FAM171B: variants seen among roughly 807,000 people sequenced by gnomAD.
FAM171B encodes the protein protein FAM171B.
FAM171B carries 19 observed loss-of-function variants against 75.6 expected under a neutral mutation model. That is an observed-to-expected ratio of 0.25 (90% CI 0.18 to 0.37). The LOEUF is 0.37. Ranked by LOEUF, FAM171B falls within the 10% of genes least tolerant of loss-of-function variation. The probability of loss-of-function intolerance (pLI) is 1.00; values close to 1 mark genes in which losing one functional copy is unlikely to be tolerated. For synonymous variants in FAM171B, 367 were observed against 361.7 expected (o/e 1.01, Z -0.17); for missense variants, 848 against 982.4 (o/e 0.86, Z 1.83).
intron 1 of FAM171B, among the ~76,000 whole-genome samples, chr2:186,725,214 GGC>G (rs1045378194): frequency 2.6e-5 from 4 of 151,920 alleles, no homozygotes; most frequent in Non-Finnish European, 5.9e-5. Flanking sequence ...CGTGGTGGCA[GGC>G]ACCTGTAGTC....
intron 1 of FAM171B, among the ~76,000 whole-genome samples, chr2:186,732,876 A>G (rs1343594757): frequency 2.0e-5 from 3 of 152,142 alleles, no homozygotes; most frequent in Admixed American, 6.6e-5. Flanking sequence ...GCTTGGGCCC[A>G]CTCACCCAAC....
Position 186,743,389 on chromosome 2 carries a change from C to T in FAM171B, c.473-94C>T, listed in dbSNP as rs1690320841. 7.8e-6 allele frequency: 6 copies of T among 774,136 alleles called. No individual in the cohort carries two copies. In the East Asian group the frequency reaches 1.6e-4, roughly 21 times the overall value. 48.0% of individuals were successfully genotyped at this position (774,136 alleles called of 1,614,324 possible). ...CAAGCATTTGTTCCCCCCCACAACA[C>T]ACTTTTTGAGACTTGCTGTTACAGA... On this transcript the variant is annotated intron_variant, in intron 2 of 7. Coordinates refer to ENST00000304698, the MANE Select transcript of FAM171B (RefSeq NM_177454.4).
intron 2 of FAM171B, among the ~76,000 whole-genome samples, chr2:186,741,689 C>A (rs1690290437): frequency 6.6e-6 from 1 of 152,078 alleles, no homozygotes; most frequent in African/African-American, 2.4e-5. Flanking sequence ...AAGATAGGAT[C>A]AGATTCTCAA....
chr2:186,711,842 G>A (rs570728380), intron 1 of FAM171B, among the ~76,000 whole-genome samples: 1 of 152,190 alleles, frequency 6.6e-6, no homozygotes, highest in South Asian at 2.1e-4. Flanking sequence ...CAACTTAGCT[G>A]TACTTTCTCC....
chr2:186,737,295 A>G (rs1365320580), intron 1 of FAM171B, among the ~76,000 whole-genome samples: 1 of 152,232 alleles, frequency 6.6e-6, no homozygotes, highest in African/African-American at 2.4e-5. Context: ...AAGGAGTAAG[A>G]CCAGAGGTTA....
chr2:186,738,227 G>A (rs2105785059), intron 1 of FAM171B, among the ~76,000 whole-genome samples: 1 of 152,348 alleles, frequency 6.6e-6, no homozygotes, highest in South Asian at 2.1e-4. Flanking sequence ...AGCCCACGGG[G>A]CAGAAGTTAG....
chr2:186,745,020 G>A (rs1381525657), intron 3 of FAM171B, among the ~76,000 whole-genome samples: 2 of 151,846 alleles, frequency 1.3e-5, no homozygotes, highest in African/African-American at 4.8e-5. Context: ...CGTAGAGATG[G>A]GGTTTCACCA....
chr2:186,728,474 TTGAA>T (rs1690066978), intron 1 of FAM171B, among the ~76,000 whole-genome samples: 1 of 152,240 alleles, frequency 6.6e-6, no homozygotes, highest in Non-Finnish European at 1.5e-5. Context: ...TAAACATTTG[TTGAA>T]TGGATTCATG....
At position 186,762,781 on chromosome 2, in the gene FAM171B, C is replaced by G. The variant is rs1690639824; in HGVS notation, c.2439C>G (p.Ile813Met). Reference sequence around the variant, plus strand: ...CCAAAAGAGATAGCAAGACTAACATCTGGAAGAAGCGAGAGGAACGCCCAC... The same window carrying G: ...CCAAAAGAGATAGCAAGACTAACATGTGGAAGAAGCGAGAGGAACGCCCAC... ...PLAKRDSKTN[I>M]WKKREERPLI... Residue 813 changes from isoleucine (I) to methionine (M), a missense_variant, in exon 8 of 8, where the codon ATC (isoleucine) becomes ATG (methionine). Coordinates refer to ENST00000304698, the MANE Select transcript of FAM171B (RefSeq NM_177454.4). The surrounding 1 kb of genome is among the most constrained non-coding windows in gnomAD (Gnocchi z 4.0). 4 of 1,612,920 alleles carry G rather than the reference C, an allele frequency of 2.5e-6. No homozygotes were observed. The highest frequency in any genetic ancestry group is 3.4e-6 in the Non-Finnish European group (4 of 1,179,434).
intron 1 of FAM171B, among the ~76,000 whole-genome samples, chr2:186,694,660 A>G (rs1689553282): frequency 6.7e-6 from 1 of 149,508 alleles, no homozygotes; most frequent in Non-Finnish European, 1.5e-5. Context: ...GGGGTCGGGA[A>G]GGCTGGGGGT....
At chr2:186,720,410 T>C (rs1280762993) in intron 1 of FAM171B, among the ~76,000 whole-genome samples, 2 of 152,184 alleles carry the variant, frequency 1.3e-5, no homozygotes, top group Non-Finnish European at 2.9e-5. Context: ...TGTCATGTCA[T>C]ACATTTTGGT....
chr2:186,729,002 A>T (rs1056136340), intron 1 of FAM171B, among the ~76,000 whole-genome samples: 1 of 152,140 alleles, frequency 6.6e-6, no homozygotes, highest in Non-Finnish European at 1.5e-5. Flanking sequence ...ACCATAATAT[A>T]GTATTGGTTT....
At chr2:186,698,097 C>T (rs1689607331) in intron 1 of FAM171B, among the ~76,000 whole-genome samples, 1 of 152,110 alleles carries the variant, frequency 6.6e-6, no homozygotes, top group Non-Finnish European at 1.5e-5. Context: ...AAGAATTAAT[C>T]TGGGAGCTAG....
chr2:186,724,929 T>G (rs1410421268), intron 1 of FAM171B, among the ~76,000 whole-genome samples: 1 of 152,182 alleles, frequency 6.6e-6, no homozygotes, highest in African/African-American at 2.4e-5. Context: ...ATTGCTAAAT[T>G]CTCGTCTTTC....
chr2:186,730,650 T>A (rs549265763), intron 1 of FAM171B, among the ~76,000 whole-genome samples: 1 of 152,342 alleles, frequency 6.6e-6, no homozygotes, highest in African/African-American at 2.4e-5. Flanking sequence ...AAATATGATA[T>A]TTTCTTATCA....
At chr2:186,744,893 C>T (rs970657726) in intron 3 of FAM171B, among the ~76,000 whole-genome samples, 3 of 146,992 alleles carry the variant, frequency 2.0e-5, no homozygotes, top group African/African-American at 7.6e-5. Context: ...TGCAGTGGTG[C>T]AATCTCGGCT....
At chr2:186,752,244 G>C (rs75121805) in intron 5 of FAM171B, among the ~76,000 whole-genome samples, 25,452 of 151,968 alleles carry the variant, frequency 0.17, 2,265 homozygotes, top group Middle Eastern at 0.26. Context: ...TAGACTTTAG[G>C]TCACATGTTG....
At chr2:186,731,854 C>T (rs1483814819) in intron 1 of FAM171B, among the ~76,000 whole-genome samples, 2 of 152,106 alleles carry the variant, frequency 1.3e-5, no homozygotes, top group Admixed American at 6.5e-5. Context: ...CTATTTTGAA[C>T]TGAGCATGTG....
At chr2:186,707,439 G>T (rs1189307480) in intron 1 of FAM171B, among the ~76,000 whole-genome samples, 1 of 152,082 alleles carries the variant, frequency 6.6e-6, no homozygotes, top group Non-Finnish European at 1.5e-5. Context: ...CACATCAACC[G>T]GCCTCCTTAT....
Sources: gnomAD v4.1 joint callset for allele counts (sites outside exome capture counted in the v4.1 genomes callset) on GRCh38, gnomAD v4.1.1 for gene constraint, Gnocchi (gnomAD v3.1) non-coding constraint, MANE v1.5 for transcripts, NCBI Gene and HGNC (gene_info 2026-07-23, HGNC 2026-07-21) for gene names.